The following HERC3 variants were observed in gnomAD, a reference collection of about 807,000 sequenced individuals.
HERC3 encodes the protein probable E3 ubiquitin-protein ligase HERC3.
HERC3 carries 58 observed loss-of-function variants against 129.9 expected under a neutral mutation model. The observed-to-expected ratio is 0.45, with a 90% CI of 0.36 to 0.56. The LOEUF (loss-of-function observed/expected upper bound fraction) is 0.56, where lower values mean the gene tolerates loss of function less well. HERC3 is among the 20% of genes least tolerant of loss of function. The pLI is 0.00. For synonymous variants in HERC3, 430 were observed against 451.0 expected (o/e 0.95, Z 0.59); for missense variants, 835 against 1,244.2 (o/e 0.67, Z 4.95).
At chr4:88,523,933 G>A in the HERC3 span, 2 of 503,984 alleles carry the variant, frequency 4.0e-6, no homozygotes, top group South Asian at 6.3e-5. Context: ...GAGGCCTCTG[G>A]TGAGTGCCCC....
At chr4:88,558,692 G>A in the HERC3 span, among the ~76,000 whole-genome samples, 2 of 152,048 alleles carry the variant, frequency 1.3e-5, no homozygotes, top group African/African-American at 2.4e-5. Flanking sequence ...GGCCAGGCGC[G>A]GTGGCTCACG....
At chr4:88,585,926 T>C in the HERC3 span, among the ~76,000 whole-genome samples, 2 of 152,196 alleles carry the variant, frequency 1.3e-5, no homozygotes, top group Non-Finnish European at 2.9e-5. Flanking sequence ...TTTTAAAAAT[T>C]ACTGGTAAGG....
At chr4:88,692,879 T>G (rs1024965548) in intron 23 of HERC3, 1 of 985,164 alleles carries the variant, frequency 1.0e-6, no homozygotes, top group Non-Finnish European at 1.2e-6. Context: ...GCTCAAGAGT[T>G]CCCATCCTCC....
upstream of HERC3, among the ~76,000 whole-genome samples, chr4:88,590,757 T>C (rs949355358): frequency 1.3e-5 from 2 of 152,198 alleles, no homozygotes; most frequent in African/African-American, 4.8e-5. Flanking sequence ...CCAGTTCTTT[T>C]GCCAACAGCA....
the HERC3 span, among the ~76,000 whole-genome samples, chr4:88,581,095 T>C: frequency 4.0e-5 from 6 of 151,878 alleles, no homozygotes; most frequent in South Asian, 1.0e-3. Flanking sequence ...AAAGAGAAAA[T>C]AGAAAGGTTA....
chr4:88,697,115 C>A, intron 23 of HERC3: 1 of 1,299,682 alleles, frequency 7.7e-7, no homozygotes, highest in Non-Finnish European at 1.0e-6. Context: ...TGGTCAAAAA[C>A]CTGAGCCTTT....
chr4:88,585,826 TAACTAGAA>T, the HERC3 span, among the ~76,000 whole-genome samples: 10 of 152,308 alleles, frequency 6.6e-5, no homozygotes, highest in African/African-American at 2.4e-4. Flanking sequence ...GCTTTTTACT[TAACTAGAA>T]GATTTTAACA....
At chr4:88,686,192 C>T (rs111280637) in intron 21 of HERC3, among the ~76,000 whole-genome samples, 102 of 152,192 alleles carry the variant, frequency 6.7e-4, no homozygotes, top group African/African-American at 2.3e-3. Flanking sequence ...TGGCCCAAGG[C>T]AATTCTTCTT....
intron 3 of HERC3, among the ~76,000 whole-genome samples, chr4:88,624,211 A>T (rs555507344): frequency 7.9e-5 from 12 of 152,348 alleles, no homozygotes; most frequent in African/African-American, 2.9e-4. Flanking sequence ...GTTGTTTCGA[A>T]TAAAACTGTT....
the HERC3 span, among the ~76,000 whole-genome samples, chr4:88,562,444 A>C: frequency 3.3e-5 from 5 of 152,016 alleles, no homozygotes; most frequent in South Asian, 4.1e-4. Context: ...ATTTTCTCCT[A>C]TTCTTTGAGT....
intron 9 of HERC3, chr4:88,656,566 G>A (rs376946748): frequency 3.0e-4 from 47 of 154,104 alleles, no homozygotes; most frequent in African/African-American, 5.1e-4. Flanking sequence ...TGAGGGATCC[G>A]CCCTCATGAT....
chr4:88,570,542 T>C, the HERC3 span, among the ~76,000 whole-genome samples: 1 of 152,166 alleles, frequency 6.6e-6, no homozygotes, highest in Admixed American at 6.5e-5. Flanking sequence ...AATTGTTTCA[T>C]CCACTGAACA....
chr4:88,695,897 T>A (rs981239272), intron 23 of HERC3: 11 of 152,598 alleles, frequency 7.2e-5, no homozygotes, highest in Admixed American at 1.3e-4. Flanking sequence ...GCAGTCACAG[T>A]ACCGAGTCTT....
chr4:88,540,304 A>G, the HERC3 span, among the ~76,000 whole-genome samples: 1 of 152,254 alleles, frequency 6.6e-6, no homozygotes, highest in Non-Finnish European at 1.5e-5. Flanking sequence ...CACACACAAC[A>G]AGCTTCAATA....
At chr4:88,698,091 GCTT>G (rs1307172086) in intron 23 of HERC3, among the ~76,000 whole-genome samples, 1 of 152,144 alleles carries the variant, frequency 6.6e-6, no homozygotes, top group African/African-American at 2.4e-5. Flanking sequence ...TGCCCGAGGT[GCTT>G]CTTCAGGAAC....
intron 3 of HERC3, among the ~76,000 whole-genome samples, chr4:88,612,641 A>C (rs1287664795): frequency 6.6e-6 from 1 of 152,116 alleles, no homozygotes; most frequent in Admixed American, 6.5e-5. Context: ...CATATACCTC[A>C]TCCCTCCCCG....
the HERC3 span, among the ~76,000 whole-genome samples, chr4:88,581,685 C>CA: frequency 6.6e-6 from 1 of 152,092 alleles, no homozygotes; most frequent in Admixed American, 6.6e-5. Context: ...CTCCTGGGCC[C>CA]AAGTGATCTG....
chr4:88,618,317 A>G (rs746845861), intron 3 of HERC3, among the ~76,000 whole-genome samples: 19 of 152,206 alleles, frequency 1.2e-4, no homozygotes, highest in Non-Finnish European at 2.6e-4. Flanking sequence ...TTTAAAGTAG[A>G]AAAGCAATGG....
chr4:88,641,993 T>C (rs1318635057), intron 3 of HERC3, among the ~76,000 whole-genome samples: 2 of 151,858 alleles, frequency 1.3e-5, no homozygotes, highest in East Asian at 3.9e-4. Flanking sequence ...AACTTGGGCA[T>C]GCTGGTGCAT....
Sources: allele counts gnomAD v4.1 joint callset (sites outside exome capture counted in the v4.1 genomes callset), GRCh38; gene constraint gnomAD v4.1.1; transcripts MANE v1.5; gene names NCBI Gene and HGNC (gene_info 2026-07-23, HGNC 2026-07-21).